Variants in NXN observed in about 807,000 individuals in gnomAD.
NXN encodes nucleoredoxin.
Under a neutral mutation model 48.6 loss-of-function variants are expected in NXN, and 16 were observed. The observed-to-expected ratio is 0.33, with a 90% CI of 0.22 to 0.50. NXN has a LOEUF of 0.50. NXN is among the 20% of genes least tolerant of loss of function. The pLI, the probability that NXN is intolerant of heterozygous loss-of-function variation, is 0.98. For missense variants in NXN, 492 were observed against 605.5 expected (o/e 0.81, Z 1.97); for synonymous variants, 281 against 269.6 (o/e 1.04, Z -0.41).
chr17:876,186 GAAAGAAAAA>G (rs1279103663), intron 1 of NXN, among the ~76,000 whole-genome samples: 1 of 103,854 alleles, frequency 9.6e-6, no homozygotes, highest in Admixed American at 9.4e-5. Flanking sequence ...CATCAGAAAA[GAAAGAAAAA>G]AAAGAAAAGA....
chr17:961,438 T>C (rs2069236482), intron 1 of NXN, among the ~76,000 whole-genome samples: 1 of 152,028 alleles, frequency 6.6e-6, no homozygotes, highest in South Asian at 2.1e-4. Context: ...GTAAGTATTG[T>C]AATTTACTTA....
intron 1 of NXN, among the ~76,000 whole-genome samples, chr17:889,172 A>G (rs2068381964): frequency 6.6e-6 from 1 of 152,146 alleles, no homozygotes; most frequent in African/African-American, 2.4e-5. Context: ...TCTCAGGAGG[A>G]TTAAGTGGGA....
intron 1 of NXN, among the ~76,000 whole-genome samples, chr17:847,727 A>G (rs1203821299): frequency 6.6e-6 from 1 of 152,192 alleles, no homozygotes; most frequent in Non-Finnish European, 1.5e-5. Context: ...TCCGTCACAC[A>G]ATGAAATAAG....
intron 5 of NXN, among the ~76,000 whole-genome samples, chr17:808,156 G>A (rs998809959): frequency 3.3e-5 from 5 of 152,150 alleles, no homozygotes; most frequent in South Asian, 2.1e-4. Context: ...TAACCAGGGC[G>A]GGGAAGTCCT....
intron 1 of NXN, among the ~76,000 whole-genome samples, chr17:902,205 G>T (rs1175557560): frequency 6.6e-6 from 1 of 152,180 alleles, no homozygotes; most frequent in African/African-American, 2.4e-5. Flanking sequence ...ATTATTCACT[G>T]CTCCCACTCG....
chr17:947,192 T>C (rs901275930), intron 1 of NXN, among the ~76,000 whole-genome samples: 2 of 152,026 alleles, frequency 1.3e-5, no homozygotes, highest in African/African-American at 2.4e-5. Flanking sequence ...CCACGTACAG[T>C]AGTGGCTGAA....
chr17:921,407 C>T (rs1232109904), intron 1 of NXN, among the ~76,000 whole-genome samples: 8 of 152,156 alleles, frequency 5.3e-5, no homozygotes, highest in Non-Finnish European at 1.0e-4. Flanking sequence ...TTCCGGTCCA[C>T]GGCGCCCCCT....
intron 1 of NXN, among the ~76,000 whole-genome samples, chr17:975,764 C>T (rs1036137146): frequency 6.6e-6 from 1 of 152,216 alleles, no homozygotes; most frequent in Admixed American, 6.5e-5. Context: ...AGAGTGCTCA[C>T]TTCTATGAGG....
chr17:916,838 C>T (rs887060462), intron 1 of NXN, among the ~76,000 whole-genome samples: 11 of 152,084 alleles, frequency 7.2e-5, no homozygotes, highest in Non-Finnish European at 1.2e-4. Context: ...GTGGAGGTTG[C>T]AGTGAGCTGA....
chr17:948,716 C>G (rs897438533), intron 1 of NXN, among the ~76,000 whole-genome samples: 2 of 151,866 alleles, frequency 1.3e-5, no homozygotes, highest in Non-Finnish European at 2.9e-5. Context: ...CCCGGCCCGT[C>G]CCGCCCCAGC....
rs113168897 is a variant in NXN, at chr17:955,182, T to C, written c.360+24137A>G. On this transcript the variant is annotated intron_variant, in intron 1 of 7. Transcript: ENST00000336868. ...TCTTTCTTTTTTTTTTTTTTTTTTT[T>C]CCTGAGACAGAGTCTCGCTCTGTCA... Among the ~76,000 whole-genome samples the C allele has an allele frequency of 4.2e-3, 630 of 148,412 alleles. 3 individuals are homozygous for C. The highest frequency in any genetic ancestry group is 0.014 in the African/African-American group (579 of 39,968).
intron 1 of NXN, among the ~76,000 whole-genome samples, chr17:944,932 GAGA>G (rs1412906216): frequency 5.3e-5 from 8 of 152,022 alleles, no homozygotes; most frequent in Non-Finnish European, 1.2e-4. Flanking sequence ...GAAACACACC[GAGA>G]AGAGAAAACT....
intron 1 of NXN, among the ~76,000 whole-genome samples, chr17:872,764 G>A (rs1206573651): frequency 6.6e-6 from 1 of 151,976 alleles, no homozygotes; most frequent in Non-Finnish European, 1.5e-5. Context: ...GGGATTACAG[G>A]CGCCTGCCAC....
chr17:818,046 C>T (rs1042261884), intron 5 of NXN, among the ~76,000 whole-genome samples: 1 of 152,002 alleles, frequency 6.6e-6, no homozygotes, highest in Admixed American at 6.6e-5. Context: ...ATCACTTGAG[C>T]CCATGAGTTC....
intron 5 of NXN, among the ~76,000 whole-genome samples, chr17:812,917 G>GGT (rs201692293): frequency 0.35 from 51,005 of 147,140 alleles, 8,934 homozygotes; most frequent in East Asian, 0.53. Context: ...TGTGACTGTA[G>GGT]GTGTGTGCGT....
chr17:974,903 T>C (rs1315012925), intron 1 of NXN, among the ~76,000 whole-genome samples: 1 of 151,974 alleles, frequency 6.6e-6, no homozygotes, highest in East Asian at 1.9e-4. Flanking sequence ...CATGGCTCAC[T>C]GCAGCCTCCA....
At chr17:819,313 A>C (rs1912674886) in intron 5 of NXN, 126 bp downstream of exon 5, 1 of 740,184 alleles carries the variant, frequency 1.4e-6, no homozygotes, top group Admixed American at 2.1e-5. Flanking sequence ...GCTGAGAAAC[A>C]TGAAAGGCAC....
intron 5 of NXN, among the ~76,000 whole-genome samples, chr17:815,682 GAGGGCCAGT>G (rs1912433191): frequency 6.6e-6 from 1 of 152,246 alleles, no homozygotes; most frequent in African/African-American, 2.4e-5. Context: ...TCCGTACAAT[GAGGGCCAGT>G]GTCCACTCTA....
At chr17:953,298 C>G (rs978703848) in intron 1 of NXN, among the ~76,000 whole-genome samples, 1 of 152,098 alleles carries the variant, frequency 6.6e-6, no homozygotes, top group Admixed American at 6.6e-5. Flanking sequence ...GCCTGTAATC[C>G]CAGCTACTTG....
Sources: allele counts gnomAD v4.1 joint callset (sites outside exome capture counted in the v4.1 genomes callset), GRCh38; gene constraint gnomAD v4.1.1; transcripts MANE v1.5; gene names NCBI Gene and HGNC (gene_info 2026-07-23, HGNC 2026-07-21).